Variants in ZFHX4 observed in about 807,000 individuals in gnomAD.
ZFHX4 encodes the protein zinc finger homeobox 4.
Under a neutral mutation model 267.6 loss-of-function variants are expected in ZFHX4, and 56 were observed. The observed-to-expected ratio is 0.21, with a 90% confidence interval of 0.17 to 0.26. The LOEUF (loss-of-function observed/expected upper bound fraction) is 0.26. Ranked by LOEUF, ZFHX4 falls within the 10% of genes least tolerant of loss-of-function variation. The pLI, the probability that ZFHX4 is intolerant of heterozygous loss-of-function variation, is 1.00. For synonymous variants in ZFHX4, 1,778 were observed against 1,665.6 expected, an observed-to-expected ratio of 1.07 and a Z score of -1.64; for missense variants, 4,332 against 4,420.0, an observed-to-expected ratio of 0.98 and a Z score of 0.56.
intron 6 of ZFHX4, among the ~76,000 whole-genome samples, chr8:76,845,958 T>C (rs1465951397): frequency 1.3e-5 from 2 of 152,000 alleles, no homozygotes; most frequent in Non-Finnish European, 2.9e-5. Flanking sequence ...GATCCTATTT[T>C]AAAATTTTCT....
At position 76,705,109 on chromosome 8, in the gene ZFHX4, T is replaced by G; in HGVS notation, c.1021T>G (p.Ser341Ala). ...PLISFLEPKK[S>A]TSVYPHFSTT... ...TATAAGCTTTCTGGAACCAAAAAAA[T>G]CCACTTCTGTTTATCCCCATTTTTC... The change falls in exon 2 of 11, where the codon TCC becomes GCC. Residue 341 changes from serine to alanine, a missense_variant. By Grantham distance (99) the Ser-to-Ala change is moderately conservative. Around this residue, in one of 7 missense-constraint regions of ZFHX4, gnomAD observed 1,195 missense variants for 1,173.6 expected, o/e 1.02. Transcript: ENST00000651372. 6.2e-7 allele frequency: 1 copy of G among 1,613,664 alleles called. No homozygotes were observed. Among genetic ancestry groups the G allele is most frequent in the Non-Finnish European group, 8.5e-7 (1 of 1,179,806 alleles).
intron 3 of ZFHX4, among the ~76,000 whole-genome samples, chr8:76,775,055 A>T (rs1228213821): frequency 1.3e-5 from 2 of 152,188 alleles, no homozygotes; most frequent in African/African-American, 4.8e-5. Context: ...TTAAAAATTG[A>T]TTAGTATTTC....
chr8:76,840,178 GGAA>G (rs1812198280), intron 5 of ZFHX4, among the ~76,000 whole-genome samples: 1 of 152,084 alleles, frequency 6.6e-6, no homozygotes. Flanking sequence ...CTACTTCAAA[GGAA>G]GAACCTGAAA....
chr8:76,738,627 T>C (rs2728448), intron 3 of ZFHX4, among the ~76,000 whole-genome samples: 44,729 of 97,340 alleles, frequency 0.46, 12,219 homozygotes, highest in Middle Eastern at 0.55. Context: ...TCCTTCCTTC[T>C]TTCCTTCCTT....
At chr8:76,833,466 C>T (rs1027371062) in intron 5 of ZFHX4, 60 bp downstream of exon 5, 3 of 1,286,124 alleles carry the variant, frequency 2.3e-6, no homozygotes, top group South Asian at 2.6e-5. Context: ...GCTTTTGTTA[C>T]TCTCATAATT....
At chr8:76,862,286 C>A (rs1333275660) in intron 10 of ZFHX4, among the ~76,000 whole-genome samples, 2 of 152,184 alleles carry the variant, frequency 1.3e-5, no homozygotes, top group African/African-American at 4.8e-5. Flanking sequence ...TTTCCCATCT[C>A]TAATGAGGTG....
chr8:76,863,220 C>T lies in ZFHX4; in HGVS notation c.9506C>T (p.Pro3169Leu), dbSNP rs1812919538. 2 of 1,581,120 alleles carry T rather than the reference C, an allele frequency of 1.3e-6. No homozygotes were observed. The highest frequency in any genetic ancestry group is 1.3e-5 in the African/African-American group (1 of 74,242). Residue 3169 changes from proline (P) to leucine (L), a missense_variant, in exon 11 of 11, where the codon CCT becomes CTT. Physicochemically the swap from Pro to Leu is moderately conservative, Grantham distance 98. Coordinates refer to ENST00000651372, the MANE Select transcript of ZFHX4 (RefSeq NM_024721.5). ...LQTPPPPPPP[P>L]PPPPSSSLSG... The stretch of plus-strand genomic sequence containing the variant: ...ACTCCACCACCTCCACCACCTCCTC[C>T]TCCTCCTCCTCCTTCATCCTCTCTG...
chr8:76,705,060 G>T lies in ZFHX4; in HGVS notation c.972G>T (p.Gly324=). The part of the protein sequence containing the change: ...SNKCVSAIIQ[G]IGKDKEPLIS... ...AATGCGTCTCCGCCATAATACAGGG[G>T]ATTGGCAAAGACAAAGAACCTCTTA... Residue 324 remains glycine (G), a synonymous_variant, in exon 2 of 11, where the codon GGG becomes GGT. Transcript: ENST00000651372. 6.2e-7 allele frequency: 1 copy of T among 1,613,916 alleles called. No individual in the cohort carries two copies. Among genetic ancestry groups the T allele is most frequent in the Non-Finnish European group, 8.5e-7 (1 of 1,179,878 alleles).
At position 76,778,288 on chromosome 8, in the gene ZFHX4, C is replaced by T. The variant is rs370547889; in HGVS notation, c.3174C>T (p.Val1058=). 168 of 1,613,726 alleles carry T rather than the reference C, an allele frequency of 1.0e-4. No homozygotes were observed. Among genetic ancestry groups the T allele is most frequent in the Non-Finnish European group, 1.3e-4 (151 of 1,179,806 alleles). ...CCGTGTGTGATTACACCACCAAGGT[C>T]AAGTTGAATCTGGTACAACATGTCC... The part of the protein sequence containing the change: ...YCAVCDYTTK[V]KLNLVQHVRS... The change falls in exon 4 of 11, where the codon GTC becomes GTT. Residue 1058 remains valine (V), a synonymous_variant. Coordinates refer to ENST00000651372, the MANE Select transcript of ZFHX4 (RefSeq NM_024721.5).
rs911091324 is a variant in ZFHX4, at chr8:76,802,594, A to G, written c.3325+24155A>G. Among the ~76,000 whole-genome samples the G allele has an allele frequency of 4.6e-5, 7 of 152,190 alleles. No homozygotes were observed. In the East Asian group the frequency reaches 1.3e-3, roughly 29 times the overall value. On this transcript the variant is annotated intron_variant, in intron 4 of 10. Coordinates refer to ENST00000651372, the MANE Select transcript of ZFHX4 (RefSeq NM_024721.5). The stretch of plus-strand genomic sequence containing the variant: ...CCATTTGAAGTTCTGCCATTAAAGG[A>G]ATATGGTTTAACTGGGGCATTCCCT...
rs199800319 is a variant in ZFHX4 at position 76,705,127 on chromosome 8, C to T, written c.1039C>T (p.His347Tyr). 6.8e-5 allele frequency: 109 copies of T among 1,613,474 alleles called. No homozygotes were observed. The highest frequency in any genetic ancestry group is 6.8e-6 in the Non-Finnish European group (8 of 1,179,818). ...AAAAAAATCCACTTCTGTTTATCCC[C>T]ATTTTTCTACTACAAACCTCATAGG... The part of the protein sequence containing the change: ...EPKKSTSVYP[H>Y]FSTTNLIGPD... The change falls in exon 2 of 11, where the codon CAT becomes TAT. Residue 347 changes from histidine (H) to tyrosine (Y), a missense_variant. By Grantham distance (83) the His-to-Tyr change is moderately conservative. Around this residue, in one of 7 missense-constraint regions of ZFHX4, gnomAD observed 1,195 missense variants for 1,173.6 expected, o/e 1.02. Transcript: ENST00000651372.
intron 4 of ZFHX4, among the ~76,000 whole-genome samples, chr8:76,808,632 A>T (rs1259119902): frequency 6.6e-6 from 1 of 152,164 alleles, no homozygotes; most frequent in Non-Finnish European, 1.5e-5. Context: ...CTTAATTGAA[A>T]GTTAATTTTA....
intron 5 of ZFHX4, among the ~76,000 whole-genome samples, chr8:76,835,219 GTATATATATATATATATATATGTATA>G (rs1323920183): frequency 3.9e-5 from 3 of 76,088 alleles, no homozygotes; most frequent in Non-Finnish European, 7.6e-5. Flanking sequence ...GTATATATAT[GTATATATATATATATATATATGTATA>G]TATATATATA....
chr8:76,689,077 G>A (rs1807762081), intron 1 of ZFHX4, among the ~76,000 whole-genome samples: 1 of 151,776 alleles, frequency 6.6e-6, no homozygotes, highest in Non-Finnish European at 1.5e-5. Context: ...TTTAAAATTT[G>A]TCAAGAAATT....
At chr8:76,777,683 A>G (rs527577952) in intron 3 of ZFHX4, among the ~76,000 whole-genome samples, 2 of 152,264 alleles carry the variant, frequency 1.3e-5, no homozygotes, top group East Asian at 3.9e-4. Context: ...ACACTAAAAT[A>G]TTAATTAAAC....
At chr8:76,860,939 C>T (rs1159209566) in intron 10 of ZFHX4, among the ~76,000 whole-genome samples, 6 of 152,084 alleles carry the variant, frequency 3.9e-5, no homozygotes. Context: ...AACGCAATCC[C>T]AGACATAGAA....
chr8:76,761,816 G>A (rs1216311280), intron 3 of ZFHX4, among the ~76,000 whole-genome samples: 1 of 152,186 alleles, frequency 6.6e-6, no homozygotes, highest in African/African-American at 2.4e-5. Flanking sequence ...TTTCTGGCCT[G>A]ATGTTTAGGG....
At chr8:76,841,833 A>G (rs1812241704) in intron 5 of ZFHX4, among the ~76,000 whole-genome samples, 1 of 152,222 alleles carries the variant, frequency 6.6e-6, no homozygotes, top group Non-Finnish European at 1.5e-5. Flanking sequence ...AAAATGTGAC[A>G]TCAGCACAGT....
chr8:76,769,256 G>A (rs917923633), intron 3 of ZFHX4, among the ~76,000 whole-genome samples: 5 of 152,214 alleles, frequency 3.3e-5, no homozygotes, highest in African/African-American at 1.2e-4. Flanking sequence ...TTTCAGGTTC[G>A]TGACATCATC....
Sources: gnomAD v4.1 joint callset for allele counts (sites outside exome capture counted in the v4.1 genomes callset) on GRCh38, gnomAD v4.1.1 for gene constraint, gnomAD v4.1.1 regional missense constraint, MANE v1.5 for transcripts, NCBI Gene and HGNC (gene_info 2026-07-23, HGNC 2026-07-21) for gene names.